The following SPAG9 variants were observed in gnomAD, a reference collection of about 807,000 sequenced individuals.
SPAG9 encodes sperm associated antigen 9.
SPAG9 carries 35 observed loss-of-function variants against 166.5 expected under a neutral mutation model. The observed-to-expected ratio is 0.21, with a 90% confidence interval of 0.16 to 0.28. The LOEUF is 0.28. Among genes scored for constraint, SPAG9 ranks in the 10% least tolerant of loss-of-function variants. The pLI is 1.00. For missense variants in SPAG9, 1,235 were observed against 1,603.3 expected (o/e 0.77, Z 3.92); for synonymous variants, 534 against 565.5 (o/e 0.94, Z 0.79).
chr17:50,989,567 C>T lies in SPAG9; in HGVS notation c.2813+110G>A. On this transcript the variant is annotated intron_variant, in intron 21 of 29. Transcript: ENST00000262013. ...TCACAAGAATAGGTATCTTTTAATCCACCACAGTGACACTAATTAGTGGAA... is the reference window on the plus strand; with the variant it reads ...TCACAAGAATAGGTATCTTTTAATCTACCACAGTGACACTAATTAGTGGAA... 5 of 849,938 alleles carry T rather than the reference C, an allele frequency of 5.9e-6. No individual in the cohort carries two copies. The South Asian group carries it at 7.2e-5, about 12-fold the overall frequency. 52.6% of individuals were successfully genotyped at this position (849,938 alleles called of 1,614,324 possible).
intron 4 of SPAG9, chr17:51,046,489 G>GT: frequency 6.5e-7 from 1 of 1,528,516 alleles, no homozygotes; most frequent in Non-Finnish European, 8.8e-7. Flanking sequence ...TTCTAAGAGA[G>GT]ATGGGAGTAC....
chr17:50,977,167 C>T lies in SPAG9; in HGVS notation c.3464G>A (p.Cys1155Tyr), dbSNP rs1428016234. The T allele has an allele frequency of 6.2e-7, 1 of 1,613,860 alleles. No homozygotes were observed. The highest frequency in any genetic ancestry group is 8.5e-7 in the Non-Finnish European group (1 of 1,179,866). ...TCCTGTCCCCACCCACAAACGATTACAAGACACCATAAGAGCTGTAATTCT... is the reference window on the plus strand; with the variant it reads ...TCCTGTCCCCACCCACAAACGATTATAAGACACCATAAGAGCTGTAATTCT... The part of the protein sequence containing the change: ...FVRITALMVS[C>Y]NRLWVGTGNG... The change falls in exon 27 of 30, where the codon TGT becomes TAT. Residue 1155 changes from cysteine (C) to tyrosine (Y), a missense_variant. By Grantham distance (194) the Cys-to-Tyr change is radical (BLOSUM62 -2). Around this residue, in one of 6 missense-constraint regions of SPAG9, gnomAD observed 243 missense variants for 358.6 expected, o/e 0.68. Coordinates refer to ENST00000262013, the MANE Select transcript of SPAG9 (RefSeq NM_001130528.3).
At chr17:51,106,523 G>A (rs1282574571) in intron 1 of SPAG9, among the ~76,000 whole-genome samples, 1 of 152,110 alleles carries the variant, frequency 6.6e-6, no homozygotes, top group South Asian at 2.1e-4. Context: ...TCTGCCAGGC[G>A]CGGTGGCTCA....
intron 9 of SPAG9, among the ~76,000 whole-genome samples, chr17:51,010,009 A>G (rs1156670393): frequency 2.6e-5 from 4 of 152,168 alleles, no homozygotes; most frequent in African/African-American, 9.6e-5. Context: ...TAAATGAAGC[A>G]CAAACTTAGG....
At chr17:51,051,388 G>T (rs372704956) in intron 3 of SPAG9, among the ~76,000 whole-genome samples, 2 of 152,130 alleles carry the variant, frequency 1.3e-5, no homozygotes, top group Non-Finnish European at 2.9e-5. Flanking sequence ...GATAACAGGC[G>T]TGAGCCACTG....
intron 2 of SPAG9, among the ~76,000 whole-genome samples, chr17:51,066,567 G>GAAAAAAAAAAAAAAAAAAAAAA (rs71149340): frequency 2.7e-5 from 3 of 110,820 alleles, no homozygotes; most frequent in Admixed American, 1.1e-4. Flanking sequence ...AAAAAAAAAA[G>GAAAAAAAAAAAAAAAAAAAAAA]AAAAAAAAAA....
intron 2 of SPAG9, among the ~76,000 whole-genome samples, chr17:51,077,017 GCTATCTAGCTATCTATCTAGCTAT>G (rs1185089644): frequency 3.4e-4 from 16 of 47,626 alleles, no homozygotes; most frequent in Admixed American, 1.3e-3. Flanking sequence ...TAGCTAGCTA[GCTATCTAGCTATCTATCTAGCTAT>G]CTAGCTATCT....
chr17:51,080,787 A>G (rs2048139620), intron 1 of SPAG9, among the ~76,000 whole-genome samples: 1 of 146,804 alleles, frequency 6.8e-6, no homozygotes, highest in African/African-American at 2.5e-5. Flanking sequence ...AGGCTAAGGA[A>G]GGAGAGTTGC....
In SPAG9 at chr17:51,007,112, T is replaced by G. The variant is rs190146798; in HGVS notation, c.1271+157A>C. Among the ~76,000 whole-genome samples, 415 of 139,968 alleles carry G rather than the reference T, an allele frequency of 3.0e-3. 4 individuals carry two copies. The highest frequency in any genetic ancestry group is 0.018 in the Middle Eastern group (5 of 274). The allele number at this position is 139,968 out of a possible 152,430, so 91.8% of individuals were successfully genotyped here. A position where few individuals can be genotyped will look rare whatever the true frequency, so the allele number is the denominator to read the frequency against. ...GGCAGTGTAGGTCCCAACATTAGGG[T>G]GTGTGTGTGTGTGTGTGTGTGTGTG... is the stretch of plus-strand genomic sequence containing the variant. On this transcript the variant is annotated intron_variant, in intron 10 of 29. Transcript: ENST00000262013.
In SPAG9 at chr17:51,000,669, T is replaced by C. The variant is rs148200136; in HGVS notation, c.1608-952A>G. 2.3e-4 allele frequency among the ~76,000 whole-genome samples: 34 copies of C among 150,502 alleles called. No homozygotes were observed. The East Asian group carries it at 2.7e-3, about 12-fold the overall frequency. On this transcript the variant is annotated intron_variant, in intron 13 of 29. Transcript: ENST00000262013. Reference sequence around the variant, plus strand: ...ACTGCTTGAACCCAGGGGGTGGAGGTTGCAGTGAGCCGAGATCACACTTCT... The same window carrying C: ...ACTGCTTGAACCCAGGGGGTGGAGGCTGCAGTGAGCCGAGATCACACTTCT...
chr17:51,054,746 A>AT (rs1203916278), intron 3 of SPAG9, among the ~76,000 whole-genome samples: 3 of 151,898 alleles, frequency 2.0e-5, no homozygotes, highest in African/African-American at 7.3e-5. Context: ...AAATGTGGGT[A>AT]TTTTTTACCA....
intron 9 of SPAG9, among the ~76,000 whole-genome samples, chr17:51,011,920 C>T (rs990432325): frequency 9.9e-5 from 15 of 152,260 alleles, no homozygotes; most frequent in East Asian, 3.9e-4. Flanking sequence ...TACTATGGGG[C>T]TTCTAAATAC....
chr17:50,982,644 G>C lies in SPAG9; in HGVS notation c.3117C>G (p.His1039Gln). The C allele has an allele frequency of 1.9e-6, 3 of 1,611,482 alleles. No individual in the cohort carries two copies. The highest frequency in any genetic ancestry group is 2.5e-6 in the Non-Finnish European group (3 of 1,179,430). ...VDGQWDLSNY[H>Q]LLDLGRPHHS... is the part of the protein sequence containing the mutation. ...GATGAGGCCGTCCAAGGTCTAAGAG[G>C]TGATAGTTTGACAAATCCCACTGCC... The change falls in exon 25 of 30, where the codon CAC becomes CAG. Residue 1039 changes from histidine (H) to glutamine (Q), a missense_variant. Coordinates refer to ENST00000262013, the MANE Select transcript of SPAG9 (RefSeq NM_001130528.3).
intron 3 of SPAG9, among the ~76,000 whole-genome samples, chr17:51,054,694 C>T (rs1326908537): frequency 1.3e-5 from 2 of 152,054 alleles, no homozygotes; most frequent in African/African-American, 2.4e-5. Flanking sequence ...CCTCGGCCTC[C>T]CAAAGTGCTG....
At chr17:51,062,676 C>T (rs1371199285) in intron 2 of SPAG9, among the ~76,000 whole-genome samples, 5 of 152,140 alleles carry the variant, frequency 3.3e-5, no homozygotes, top group East Asian at 1.9e-4. Flanking sequence ...CTGCAACCTC[C>T]GCCTGCCAGG....
At position 50,970,699 on chromosome 17, in the gene SPAG9, T is replaced by C; in HGVS notation, c.3850+8A>G. On this transcript the variant is annotated splice_region_variant and intron_variant, in intron 29 of 29. Transcript: ENST00000262013. ...GTGCAAACTGAGCACCCAGAACCAA[T>C]GACATACCCATTCGGAAGTCGATGT... is the stretch of plus-strand genomic sequence containing the variant. 1 of 1,596,120 alleles carries C rather than the reference T, an allele frequency of 6.3e-7. No homozygotes were observed. The highest frequency in any genetic ancestry group is 1.7e-5 in the Admixed American group (1 of 59,386).
At chr17:51,008,697 GAATTA>G (rs1262871324) in intron 9 of SPAG9, among the ~76,000 whole-genome samples, 5 of 151,956 alleles carry the variant, frequency 3.3e-5, no homozygotes, top group African/African-American at 1.2e-4. Flanking sequence ...ACACCAGAAA[GAATTA>G]AATATCAGAA....
chr17:50,994,020 T>C (rs944373633), intron 18 of SPAG9, 85 bp from the exon 19 acceptor site: 2 of 1,193,474 alleles, frequency 1.7e-6, no homozygotes, highest in Admixed American at 2.3e-5. Context: ...TAAAAGGCAA[T>C]ACTATTTCAA....
At chr17:51,035,152 A>T (rs967430979) in intron 5 of SPAG9, among the ~76,000 whole-genome samples, 10 of 152,198 alleles carry the variant, frequency 6.6e-5, no homozygotes, top group South Asian at 2.1e-4. Context: ...TGTAATAAAA[A>T]TTTTTTTTAA....
Sources: allele counts gnomAD v4.1 joint callset (sites outside exome capture counted in the v4.1 genomes callset), GRCh38; gene constraint gnomAD v4.1.1; regional missense constraint gnomAD v4.1.1; transcripts MANE v1.5; gene names NCBI Gene and HGNC (gene_info 2026-07-23, HGNC 2026-07-21).